The following SCN9A variants were observed in gnomAD, a reference collection of about 807,000 sequenced individuals.
The protein encoded by SCN9A is sodium channel protein type 9 subunit alpha.
A neutral mutation model predicts 187.0 loss-of-function variants in SCN9A; 131 were observed. The ratio of observed to expected loss-of-function variants is 0.70; its 90% CI spans 0.61 to 0.81. SCN9A has a LOEUF of 0.81. SCN9A is among the 30% of genes least tolerant of loss of function. The pLI, the probability that SCN9A is intolerant of heterozygous loss-of-function variation, is 0.00. For missense variants in SCN9A, 2,252 were observed against 2,396.6 expected, an observed-to-expected ratio of 0.94 and a Z score of 1.26; for synonymous variants, 809 against 808.6, an observed-to-expected ratio of 1.00 and a Z score of -0.01.
chr2:166,200,091 G>A (rs1340769937), intron 26 of SCN9A, among the ~76,000 whole-genome samples: 5 of 131,942 alleles, frequency 3.8e-5, no homozygotes, highest in South Asian at 2.7e-4. Context: ...TCCGCCTCCC[G>A]GGTTCACGCC....
At chr2:166,375,953 C>A (rs1881440), upstream of SCN9A, 35,968 of 152,194 alleles carry the variant, frequency 0.24, 4,990 homozygotes, top group African/African-American at 0.38. Context: ...CTGCGCCCCT[C>A]CTGCCAGGGC....
chr2:166,199,982 T>G (rs1184214400), intron 26 of SCN9A, 118 bp from the exon 27 acceptor site: 4 of 271,004 alleles, frequency 1.5e-5, no homozygotes, highest in African/African-American at 7.6e-5. Context: ...ACAGTTTTTT[T>G]TTTTTTTTTT....
At chr2:166,265,093 T>A (rs1181958126) in intron 17 of SCN9A, among the ~76,000 whole-genome samples, 1 of 152,074 alleles carries the variant, frequency 6.6e-6, no homozygotes, top group African/African-American at 2.4e-5. Context: ...TCTAGCTATT[T>A]TGAAATATAC....
chr2:166,345,859 A>G (rs2105289732), intron 1 of SCN9A, among the ~76,000 whole-genome samples: 1 of 152,274 alleles, frequency 6.6e-6, no homozygotes, highest in East Asian at 1.9e-4. Flanking sequence ...ATAGAAGTTT[A>G]TCATGTTAGG....
At chr2:166,336,918 A>G (rs2105273605) in intron 1 of SCN9A, among the ~76,000 whole-genome samples, 1 of 152,218 alleles carries the variant, frequency 6.6e-6, no homozygotes, top group East Asian at 1.9e-4. Flanking sequence ...TTTTTAAGGG[A>G]CTATTTCCTT....
At chr2:166,286,713 C>G (rs994780800) in intron 10 of SCN9A, 90 bp from the exon 11 acceptor site, 39 of 943,602 alleles carry the variant, frequency 4.1e-5, no homozygotes, top group Non-Finnish European at 5.5e-5. Context: ...ATTAGCATAA[C>G]AACATGGTGC....
rs1215245216 is a variant in SCN9A at position 166,251,797 on chromosome 2, T to G, written c.3440A>C (p.Asn1147Thr). The G allele has an allele frequency of 2.5e-6, 4 of 1,612,702 alleles. No individual in the cohort carries two copies. The highest frequency in any genetic ancestry group is 1.1e-5 in the South Asian group (1 of 91,042). Residue 1147 changes from asparagine to threonine, a missense_variant, in exon 18 of 27, where the codon AAT (asparagine) becomes ACT (threonine). By Grantham distance (65) the Asn-to-Thr change is moderately conservative. Around this residue, in one of 7 missense-constraint regions of SCN9A, gnomAD observed 313 missense variants for 295.3 expected, o/e 1.06. Transcript: ENST00000642356. Reference sequence around the variant, plus strand: ...GAAACAGGCCTCTGGCTCATCGGAATTCATAGGTTCAGCCTCTGCTTCTTC... The same window carrying G: ...GAAACAGGCCTCTGGCTCATCGGAAGTCATAGGTTCAGCCTCTGCTTCTTC... ...EGEEAEAEPM[N>T]SDEPEACFTD...
At chr2:166,297,457 C>T (rs1408126609) in intron 7 of SCN9A, among the ~76,000 whole-genome samples, 1 of 152,012 alleles carries the variant, frequency 6.6e-6, no homozygotes, top group African/African-American at 2.4e-5. Flanking sequence ...TAGATACATA[C>T]TATACCATGG....
chr2:166,234,003 C>A (rs1410669251), intron 20 of SCN9A, among the ~76,000 whole-genome samples: 1 of 152,030 alleles, frequency 6.6e-6, no homozygotes, highest in Non-Finnish European at 1.5e-5. Context: ...CAAAGATCTA[C>A]CAAATAGTTT....
At chr2:166,304,188 A>C in intron 6 of SCN9A, 50 bp downstream of exon 6, 1 of 1,608,418 alleles carries the variant, frequency 6.2e-7, no homozygotes, top group East Asian at 2.2e-5. Context: ...ACAACTCCCA[A>C]ATAGTTGGAG....
At chr2:166,372,002 A>G (rs1439789539) in intron 1 of SCN9A, among the ~76,000 whole-genome samples, 1 of 152,172 alleles carries the variant, frequency 6.6e-6, no homozygotes, top group Non-Finnish European at 1.5e-5. Flanking sequence ...ACCAAATGTT[A>G]ATAGCAAAAC....
chr2:166,288,514 T>A lies in SCN9A; in HGVS notation c.1237A>T (p.Ile413Phe), dbSNP rs745533139. ...AATTCTTTCTGTTTAGCTTCTTCAATGTTTGCCTGGTTCTGTTCTTCATAT... is the reference window on the plus strand; with the variant it reads ...AATTCTTTCTGTTTAGCTTCTTCAAAGTTTGCCTGGTTCTGTTCTTCATAT... Reference protein sequence around the residue: ...MAYEEQNQANIEEAKQKELEF... With the variant: ...MAYEEQNQANFEEAKQKELEF... The change falls in exon 10 of 27, where the codon ATT becomes TTT. Residue 413 changes from isoleucine (I) to phenylalanine (F), a missense_variant. Coordinates refer to ENST00000642356, the MANE Select transcript of SCN9A (RefSeq NM_001365536.1). The A allele has an allele frequency of 6.2e-7, 1 of 1,613,512 alleles. No individual in the cohort carries two copies. The highest frequency in any genetic ancestry group is 8.5e-7 in the Non-Finnish European group (1 of 1,179,584).
In SCN9A at chr2:166,217,397, G is replaced by A. The variant is rs182883206; in HGVS notation, c.4398+9170C>T. ...ACTAAAAATGTTCTTTACAGCAAAC[G>A]AAGCAATAACAGAGTGGAGAGAGAG... On this transcript the variant is annotated intron_variant, in intron 24 of 26. Coordinates refer to ENST00000642356, the MANE Select transcript of SCN9A (RefSeq NM_001365536.1). Among the ~76,000 whole-genome samples the A allele has an allele frequency of 3.3e-5, 5 of 152,058 alleles. No homozygotes were observed. The East Asian group carries it at 7.7e-4, about 23-fold the overall frequency.
At chr2:166,303,028 T>C in intron 7 of SCN9A, 62 bp downstream of exon 7, 1 of 1,212,106 alleles carries the variant, frequency 8.3e-7, no homozygotes, top group Non-Finnish European at 1.2e-6. Flanking sequence ...ATTTCATTAT[T>C]AAAAGAGAGC....
At position 166,314,149 on chromosome 2, in the gene SCN9A, T is replaced by C. The variant is rs192723631; in HGVS notation, c.-50-2343A>G. Among the ~76,000 whole-genome samples, 60 of 152,290 alleles carry C rather than the reference T, an allele frequency of 3.9e-4. No homozygotes were observed. In the South Asian group the frequency reaches 4.8e-3, roughly 12 times the overall value. On this transcript the variant is annotated intron_variant, in intron 1 of 26. Coordinates refer to ENST00000642356, the MANE Select transcript of SCN9A (RefSeq NM_001365536.1). ...TAATGGCAATTACAAAGTTGAAATA[T>C]TGTGAGAATTGCCAAAGTGTGACAC...
intron 9 of SCN9A, among the ~76,000 whole-genome samples, chr2:166,291,466 G>T (rs1274075849): frequency 6.6e-6 from 1 of 152,172 alleles, no homozygotes; most frequent in Non-Finnish European, 1.5e-5. Flanking sequence ...TCATGGATAG[G>T]AAGAATCAAT....
At position 166,198,963 on chromosome 2, in the gene SCN9A, A is replaced by G. The variant is rs1558938937; in HGVS notation, c.5676T>C (p.Ser1892=). The G allele has an allele frequency of 1.2e-6, 2 of 1,614,044 alleles. No homozygotes were observed. Among genetic ancestry groups the G allele is most frequent in the Admixed American group, 1.7e-5 (1 of 60,036 alleles). The stretch of plus-strand genomic sequence containing the variant: ...TATAAGCACGCTGAATGACAGTAGC[A>G]GACACATCCTCTTGTTTCCGTTTTA... The part of the protein sequence containing the change: ...TTLKRKQEDV[S]ATVIQRAYRR... Residue 1892 remains serine (S), a synonymous_variant, in exon 27 of 27, where the codon TCT becomes TCC. Transcript: ENST00000642356.
chr2:166,343,179 T>A (rs1699825451), intron 1 of SCN9A, among the ~76,000 whole-genome samples: 1 of 152,146 alleles, frequency 6.6e-6, no homozygotes, highest in Non-Finnish European at 1.5e-5. Context: ...ACTTTGCTTG[T>A]TTTATAGGAA....
intron 2 of SCN9A, among the ~76,000 whole-genome samples, chr2:166,309,623 A>G (rs1038546290): frequency 4.6e-5 from 7 of 151,922 alleles, no homozygotes; most frequent in African/African-American, 1.7e-4. Context: ...ATGGAAGAAC[A>G]TTCCATGCTC....
Sources: gnomAD v4.1 joint callset for allele counts (sites outside exome capture counted in the v4.1 genomes callset) on GRCh38, gnomAD v4.1.1 for gene constraint, gnomAD v4.1.1 regional missense constraint, MANE v1.5 for transcripts, NCBI Gene and HGNC (gene_info 2026-07-23, HGNC 2026-07-21) for gene names.